PITPNC1: variants seen among roughly 807,000 people sequenced by gnomAD.
PITPNC1 encodes phosphatidylinositol transfer protein cytoplasmic 1.
PITPNC1 carries 18 observed loss-of-function variants against 44.7 expected under a neutral mutation model. The ratio of observed to expected loss-of-function variants is 0.40; its 90% CI spans 0.28 to 0.60. The LOEUF is 0.60. Ranked by LOEUF, PITPNC1 falls within the 20% of genes least tolerant of loss-of-function variation. PITPNC1 has a pLI of 0.39. For synonymous variants in PITPNC1, 141 were observed against 149.6 expected (o/e 0.94, Z 0.42); for missense variants, 290 against 418.4 (o/e 0.69, Z 2.68).
chr17:67,467,631 C>T (rs1392160618), intron 1 of PITPNC1, among the ~76,000 whole-genome samples: 1 of 152,110 alleles, frequency 6.6e-6, no homozygotes, highest in Non-Finnish European at 1.5e-5. Flanking sequence ...TGCCTCTGCC[C>T]CAAACAGATT....
chr17:67,599,093 G>A (rs1218133284), intron 5 of PITPNC1, among the ~76,000 whole-genome samples: 1 of 137,084 alleles, frequency 7.3e-6, no homozygotes, highest in African/African-American at 2.8e-5. Context: ...CCTGACTTCA[G>A]GTGATCCATC....
At chr17:67,441,748 C>T (rs916044392) in intron 1 of PITPNC1, among the ~76,000 whole-genome samples, 1 of 152,100 alleles carries the variant, frequency 6.6e-6, no homozygotes, top group Non-Finnish European at 1.5e-5. Context: ...GGGTCTTAGT[C>T]GTCATTAATA....
intron 6 of PITPNC1, among the ~76,000 whole-genome samples, chr17:67,661,025 ATTT>A (rs34870441): frequency 1.6e-5 from 2 of 128,762 alleles, no homozygotes; most frequent in Non-Finnish European, 3.3e-5. Flanking sequence ...CGCCCAGCTA[ATTT>A]TTTTTTTTTT....
rs957235494 is a variant in PITPNC1 at position 67,445,002 on chromosome 17, G to A, written c.48+66800G>A. On this transcript the variant is annotated intron_variant, in intron 1 of 8. Transcript: ENST00000581322. ...CCTAGTGGGGTACAGATGTTTATATGTCTTGTTTTTTTTAGGGGAAAAGGA... is the reference window on the plus strand; with the variant it reads ...CCTAGTGGGGTACAGATGTTTATATATCTTGTTTTTTTTAGGGGAAAAGGA... 1.4e-3 allele frequency among the ~76,000 whole-genome samples: 86 copies of A among 59,390 alleles called. 1 individual carries two copies. Among genetic ancestry groups the A allele is most frequent in the Non-Finnish European group, 1.1e-3 (30 of 27,422 alleles). 39.0% of individuals were successfully genotyped at this position (59,390 alleles called of 152,430 possible). A position where few individuals can be genotyped will look rare whatever the true frequency, so the allele number is the denominator to read the frequency against.
At chr17:67,380,059 T>TCC (rs2037934035) in intron 1 of PITPNC1, among the ~76,000 whole-genome samples, 3 of 151,720 alleles carry the variant, frequency 2.0e-5, no homozygotes, top group African/African-American at 7.3e-5. Context: ...CTTCCTTCCT[T>TCC]TTTTTTGTCT....
chr17:67,549,264 GT>G, intron 2 of PITPNC1, among the ~76,000 whole-genome samples: 1 of 152,236 alleles, frequency 6.6e-6, no homozygotes, highest in Middle Eastern at 3.4e-3. Context: ...GACCAGCCTG[GT>G]CAACATGGCG....
At chr17:67,516,721 C>T (rs1436413365) in intron 1 of PITPNC1, among the ~76,000 whole-genome samples, 1 of 152,138 alleles carries the variant, frequency 6.6e-6, no homozygotes, top group African/African-American at 2.4e-5. Flanking sequence ...CAGGTTCAAG[C>T]GATTCTCCCG....
intron 5 of PITPNC1, among the ~76,000 whole-genome samples, chr17:67,580,789 C>T (rs2041220347): frequency 1.3e-5 from 2 of 152,278 alleles, no homozygotes; most frequent in Non-Finnish European, 2.9e-5. Context: ...TGGCTCACAC[C>T]TATAATCCCA....
chr17:67,438,296 A>G (rs66645982), intron 1 of PITPNC1, among the ~76,000 whole-genome samples: 75,750 of 149,984 alleles, frequency 0.51, 19,932 homozygotes, highest in African/African-American at 0.63. Context: ...GGATAAAGAG[A>G]ACAGAGTTCT....
intron 5 of PITPNC1, among the ~76,000 whole-genome samples, chr17:67,599,086 G>A (rs2041509324): frequency 7.9e-6 from 1 of 127,144 alleles, no homozygotes; most frequent in Admixed American, 9.0e-5. Context: ...TTGAACTCCT[G>A]ACTTCAGGTG....
At chr17:67,439,734 TG>T (rs993288447) in intron 1 of PITPNC1, among the ~76,000 whole-genome samples, 79 of 152,334 alleles carry the variant, frequency 5.2e-4, no homozygotes, top group African/African-American at 1.9e-3. Flanking sequence ...ACTTATTTTT[TG>T]TTGATGAGAT....
chr17:67,661,087 G>C (rs2042340827), intron 6 of PITPNC1, among the ~76,000 whole-genome samples: 1 of 146,754 alleles, frequency 6.8e-6, no homozygotes, highest in South Asian at 2.2e-4. Context: ...GGCCAGGCTG[G>C]TCTCAAACTC....
intron 8 of PITPNC1, among the ~76,000 whole-genome samples, chr17:67,679,850 G>A (rs1190551625): frequency 2.6e-5 from 4 of 152,222 alleles, no homozygotes; most frequent in Non-Finnish European, 5.9e-5. Context: ...GATAAAAATA[G>A]GCAGCCCAGT....
chr17:67,405,252 A>G (rs1035395412), intron 1 of PITPNC1, among the ~76,000 whole-genome samples: 12 of 151,896 alleles, frequency 7.9e-5, no homozygotes, highest in African/African-American at 2.7e-4. Context: ...GTTTAAAAAA[A>G]AAAAAATTCA....
intron 1 of PITPNC1, among the ~76,000 whole-genome samples, chr17:67,408,494 C>T (rs1259695121): frequency 6.6e-6 from 1 of 152,122 alleles, no homozygotes; most frequent in Non-Finnish European, 1.5e-5. Context: ...CGTGCCACTA[C>T]ACTCCAGCCT....
At chr17:67,637,891 T>C (rs1204163061) in intron 6 of PITPNC1, 2 of 151,180 alleles carry the variant, frequency 1.3e-5, no homozygotes, top group Non-Finnish European at 2.9e-5. Flanking sequence ...GAGGAATTAG[T>C]GTGATTTTTT....
intron 1 of PITPNC1, among the ~76,000 whole-genome samples, chr17:67,410,693 G>A (rs1038086699): frequency 1.3e-5 from 2 of 152,050 alleles, no homozygotes; most frequent in Non-Finnish European, 2.9e-5. Flanking sequence ...CGGGCCTGGT[G>A]AAGGTTTTTG....
chr17:67,392,957 A>G, intron 1 of PITPNC1, among the ~76,000 whole-genome samples: 1 of 152,018 alleles, frequency 6.6e-6, no homozygotes, highest in East Asian at 1.9e-4. Context: ...GTGAAACCCC[A>G]TCTCTACTAA....
chr17:67,622,514 CTTTTTT>C (rs1254933576), intron 5 of PITPNC1, among the ~76,000 whole-genome samples: 2 of 118,976 alleles, frequency 1.7e-5, no homozygotes, highest in Non-Finnish European at 3.5e-5. Flanking sequence ...GTAGCCTGGA[CTTTTTT>C]TTTTTTTTTT....
Sources: allele counts gnomAD v4.1 joint callset (sites outside exome capture counted in the v4.1 genomes callset), GRCh38; gene constraint gnomAD v4.1.1; transcripts MANE v1.5; gene names NCBI Gene and HGNC (gene_info 2026-07-23, HGNC 2026-07-21).